Variants in CREB5 observed in about 807,000 individuals in gnomAD.
CREB5 encodes cAMP responsive element binding protein 5.
In CREB5, 19 loss-of-function variants were observed where a neutral mutation model predicts 57.1. The observed-to-expected ratio is 0.33, with a 90% confidence interval of 0.23 to 0.49. The LOEUF (loss-of-function observed/expected upper bound fraction) is 0.49. Among genes scored for constraint, CREB5 ranks in the 20% least tolerant of loss-of-function variants. CREB5 has a pLI of 0.99. For missense variants in CREB5, 579 were observed against 671.6 expected, an observed-to-expected ratio of 0.86 and a Z score of 1.52; for synonymous variants, 238 against 238.3, an observed-to-expected ratio of 1.00 and a Z score of 0.01.
At chr7:28,422,844 C>T (rs1455660627) in intron 1 of CREB5, among the ~76,000 whole-genome samples, 3 of 152,052 alleles carry the variant, frequency 2.0e-5, no homozygotes, top group African/African-American at 7.2e-5. Flanking sequence ...TGCCCAATAG[C>T]CCATACCTAG....
intron 1 of CREB5, among the ~76,000 whole-genome samples, chr7:28,318,866 C>T (rs1378665148): frequency 6.6e-6 from 1 of 152,126 alleles, no homozygotes; most frequent in African/African-American, 2.4e-5. Flanking sequence ...GATAATATAA[C>T]ACCTGGAAAT....
intron 5 of CREB5, among the ~76,000 whole-genome samples, chr7:28,661,556 G>T (rs866920228): frequency 1.7e-4 from 26 of 152,068 alleles, no homozygotes; most frequent in Middle Eastern, 6.8e-3. Flanking sequence ...TGGGCTATGT[G>T]CATGTCTGCT....
At chr7:28,365,768 G>A (rs996853549) in intron 1 of CREB5, among the ~76,000 whole-genome samples, 1 of 152,084 alleles carries the variant, frequency 6.6e-6, no homozygotes, top group East Asian at 1.9e-4. Flanking sequence ...AACATCCAAC[G>A]CAGCCAAACG....
At chr7:28,406,223 A>T (rs950375154) in intron 1 of CREB5, among the ~76,000 whole-genome samples, 2 of 152,200 alleles carry the variant, frequency 1.3e-5, no homozygotes, top group African/African-American at 4.8e-5. Flanking sequence ...GTAAGGCTGT[A>T]AATGTCTTAA....
Position 28,335,161 on chromosome 7 carries a change from G to A in CREB5, c.-25+35720G>A, listed in dbSNP as rs149867244. 8.9e-4 allele frequency among the ~76,000 whole-genome samples: 136 copies of A among 152,160 alleles called. No homozygotes were observed. The East Asian group carries it at 0.023, about 26-fold the overall frequency. On this transcript the variant is annotated intron_variant, in intron 1 of 9. Coordinates refer to the CREB5 transcript ENST00000396299. ...CTCCAGTTTTGTTCTTTTTGCTCAG[G>A]ATAGCTTTGGCTATTCTTGTCTTTT...
chr7:28,343,822 G>A (rs575387264), intron 1 of CREB5, among the ~76,000 whole-genome samples: 4 of 152,330 alleles, frequency 2.6e-5, no homozygotes, highest in African/African-American at 7.2e-5. Flanking sequence ...GCCACCAACA[G>A]TGCACAAGGA....
chr7:28,408,946 C>G (rs1037817130), upstream of CREB5, among the ~76,000 whole-genome samples: 2 of 152,094 alleles, frequency 1.3e-5, no homozygotes, highest in East Asian at 3.9e-4. Context: ...CAGCATCCCC[C>G]TCCCCACCTC....
chr7:28,804,164 AGTT>A (rs770320949), intron 7 of CREB5, 32 bp from the exon 8 acceptor site: 4 of 1,590,400 alleles, frequency 2.5e-6, no homozygotes, highest in Non-Finnish European at 3.4e-6. Flanking sequence ...GACTGACTTC[AGTT>A]GTTCTCTCTC....
chr7:28,536,833 G>C (rs1451810222), intron 4 of CREB5, among the ~76,000 whole-genome samples: 1 of 152,058 alleles, frequency 6.6e-6, no homozygotes. Context: ...TCCATCTTAA[G>C]CTTAGCATAC....
chr7:28,493,775 G>C (rs1791905192), intron 2 of CREB5, among the ~76,000 whole-genome samples: 1 of 152,112 alleles, frequency 6.6e-6, no homozygotes, highest in African/African-American at 2.4e-5. Flanking sequence ...CAGCATTTTT[G>C]ATAACCATAA....
intron 5 of CREB5, among the ~76,000 whole-genome samples, chr7:28,619,142 TATC>T (rs1438640941): frequency 6.6e-6 from 1 of 152,248 alleles, no homozygotes; most frequent in African/African-American, 2.4e-5. Flanking sequence ...ATGAGGCAGA[TATC>T]ATCATTATTG....
chr7:28,526,642 G>A (rs1282485921), intron 4 of CREB5, among the ~76,000 whole-genome samples: 2 of 152,180 alleles, frequency 1.3e-5, no homozygotes, highest in Admixed American at 6.5e-5. Context: ...TACCATCAAA[G>A]CAGAGTCCAT....
At chr7:28,320,051 C>T (rs1197843182) in intron 1 of CREB5, among the ~76,000 whole-genome samples, 1 of 152,074 alleles carries the variant, frequency 6.6e-6, no homozygotes, top group South Asian at 2.1e-4. Context: ...ATACCTCAGC[C>T]TCCCAAGTAG....
intron 7 of CREB5, among the ~76,000 whole-genome samples, chr7:28,789,463 A>G (rs537072173): frequency 5.1e-4 from 77 of 152,262 alleles, no homozygotes; most frequent in African/African-American, 1.7e-3. Context: ...AGGTCTCCCC[A>G]AGAGGTCCAT....
chr7:28,637,979 T>C (rs970935745), intron 5 of CREB5, among the ~76,000 whole-genome samples: 3 of 152,138 alleles, frequency 2.0e-5, no homozygotes, highest in African/African-American at 4.8e-5. Flanking sequence ...CTTGACATCG[T>C]TTTTGGTGAC....
At chr7:28,779,576 C>G (rs1806853914) in intron 7 of CREB5, among the ~76,000 whole-genome samples, 1 of 152,088 alleles carries the variant, frequency 6.6e-6, no homozygotes, top group Non-Finnish European at 1.5e-5. Context: ...AAATGCATGC[C>G]CTGCTTTTGG....
intron 4 of CREB5, among the ~76,000 whole-genome samples, chr7:28,565,667 G>A (rs1427240725): frequency 6.6e-6 from 1 of 152,182 alleles, no homozygotes; most frequent in Non-Finnish European, 1.5e-5. Context: ...CGTGGTTCAT[G>A]CCTGTAGTCC....
chr7:28,652,599 T>G (rs41329), intron 5 of CREB5, among the ~76,000 whole-genome samples: 123,396 of 152,148 alleles, frequency 0.81, 50,578 homozygotes, highest in African/African-American at 0.92. Context: ...TAGTTTCTCC[T>G]TCTATAAAAT....
chr7:28,560,827 CGCGCGCGT>C (rs1795085550), intron 4 of CREB5, among the ~76,000 whole-genome samples: 1 of 89,018 alleles, frequency 1.1e-5, no homozygotes, highest in Non-Finnish European at 2.3e-5. Context: ...TGTGTGCGCG[CGCGCGCGT>C]GTGTGTGTGC....
Sources: allele counts gnomAD v4.1 joint callset (sites outside exome capture counted in the v4.1 genomes callset), GRCh38; gene constraint gnomAD v4.1.1; transcripts MANE v1.5; gene names NCBI Gene and HGNC (gene_info 2026-07-23, HGNC 2026-07-21).